The following RPL7A variants were observed in gnomAD, a reference collection of about 807,000 sequenced individuals.
RPL7A encodes the protein large ribosomal subunit protein eL8.
For synonymous variants in RPL7A, 158 were observed against 128.2 expected (o/e 1.23, Z -1.57); for missense variants, 291 against 338.2 (o/e 0.86, Z 1.09).
intron 5 of RPL7A, 37 bp from the exon 6 acceptor site, chr9:133,350,560 G>A (rs2129994647): frequency 1.2e-6 from 2 of 1,613,966 alleles, no homozygotes; most frequent in Admixed American, 1.7e-5. Context: ...TGCTGCTTTT[G>A]GTCAAAATAC....
rs2129978933 is a variant in RPL7A at position 133,348,501 on chromosome 9, C to T, written c.3+255C>T. 1,577 of 611,202 alleles carry T rather than the reference C, an allele frequency of 2.6e-3. 22 individuals carry two copies. The African/African-American group carries it at 0.026, about 10-fold the overall frequency. 37.9% of individuals were successfully genotyped at this position (611,202 alleles called of 1,614,324 possible). On this transcript the variant is annotated intron_variant, in intron 1 of 7. Coordinates refer to ENST00000323345, the MANE Select transcript of RPL7A (RefSeq NM_000972.3). ...GTGTCGCAGGGCTGGGTGTCGCAGG[C>T]CTGGAGCACCGCAGTGCGGGGCTCG...
In RPL7A at chr9:133,350,995, C is replaced by A. The variant is rs2129997569; in HGVS notation, c.627-7C>A. ...AACCCACTTTTGTTTCCCCTCCTGC[C>A]TTTTAGGGAAGACAAAGGCGCTTTG... On this transcript the variant is annotated splice_polypyrimidine_tract_variant and splice_region_variant and intron_variant, in intron 6 of 7. Coordinates refer to ENST00000323345, the MANE Select transcript of RPL7A (RefSeq NM_000972.3). 1.2e-6 allele frequency: 2 copies of A among 1,613,884 alleles called. No individual in the cohort carries two copies. The highest frequency in any genetic ancestry group is 1.7e-5 in the Admixed American group (1 of 59,976).
chr9:133,348,636 G>T, intron 1 of RPL7A: 1 of 652,974 alleles, frequency 1.5e-6, no homozygotes, highest in South Asian at 1.6e-5. Context: ...GCGACTCAGA[G>T]GAGTCATGAG....
chr9:133,348,618 GT>G (rs1356438201), intron 1 of RPL7A: 1 of 626,498 alleles, frequency 1.6e-6, no homozygotes, highest in Non-Finnish European at 2.9e-6. Context: ...TCTAGAGCCT[GT>G]GGGGCCGCGA....
rs2129980695 is a variant in RPL7A at position 133,348,766 on chromosome 9, T to C, written c.4-156T>C. On this transcript the variant is annotated intron_variant, in intron 1 of 7. Coordinates refer to ENST00000323345, the MANE Select transcript of RPL7A (RefSeq NM_000972.3). ...TGCGGCTGAATGTGAGATGCTCCTGTCGAGGGGTGGTGCTGGGGGGTTGCA... is the reference window on the plus strand; with the variant it reads ...TGCGGCTGAATGTGAGATGCTCCTGCCGAGGGGTGGTGCTGGGGGGTTGCA... 1.3e-4 allele frequency: 147 copies of C among 1,105,344 alleles called. 2 individuals carry two copies. In the South Asian group the frequency reaches 1.6e-3, roughly 12 times the overall value. 68.5% of individuals were successfully genotyped at this position (1,105,344 alleles called of 1,614,324 possible).
intron 6 of RPL7A, 56 bp downstream of exon 6, chr9:133,350,783 C>T: frequency 1.2e-6 from 2 of 1,605,316 alleles, no homozygotes; most frequent in South Asian, 1.1e-5. Flanking sequence ...CCATGCCTCA[C>T]AGTTGTTTCC....
rs1256760824 is a variant in RPL7A at position 133,350,249 on chromosome 9, C to A, written c.425C>A (p.Thr142Asn). The A allele has an allele frequency of 1.9e-6, 3 of 1,613,730 alleles. No individual in the cohort carries two copies. In the African/African-American group the frequency reaches 4.0e-5, roughly 22 times the overall value. ...TGGTTGTGTGTTCTAGGAGTTAACA[C>A]CGTCACCACCTTGGTGGAGAACAAG... Reference protein sequence around the residue: ...RPPVLRAGVNTVTTLVENKKA... With the variant: ...RPPVLRAGVNNVTTLVENKKA... Residue 142 changes from threonine to asparagine, a missense_variant, in exon 5 of 8, where the codon ACC (threonine) becomes AAC (asparagine). Physicochemically the swap from Thr to Asn is moderately conservative, Grantham distance 65 (BLOSUM62 0). Coordinates refer to ENST00000323345, the MANE Select transcript of RPL7A (RefSeq NM_000972.3).
Position 133,349,893 on chromosome 9 carries a change from C to T in RPL7A, c.275-19C>T, listed in dbSNP as rs2129989425. ...TTAGAACCTTGACTCCAAGCCTAAA[C>T]TGAAGAGTGTTTTTCCAGCTACTCA... On this transcript the variant is annotated intron_variant, in intron 3 of 7. Transcript: ENST00000323345. The T allele has an allele frequency of 2.5e-6, 4 of 1,610,600 alleles. No individual in the cohort carries two copies. In the South Asian group the frequency reaches 4.4e-5, roughly 18 times the overall value.
chr9:133,348,874 C>A (rs2129981740), intron 1 of RPL7A, 48 bp from the exon 2 acceptor site: 2 of 1,612,764 alleles, frequency 1.2e-6, no homozygotes, highest in Non-Finnish European at 1.7e-6. Flanking sequence ...CTACCCCCGA[C>A]GAAGCGAGTG....
rs2129983898 is a variant in RPL7A, at chr9:133,349,169, T to C, written c.124+127T>C. On this transcript the variant is annotated intron_variant, in intron 2 of 7. Transcript: ENST00000323345. ...GTCGCAGTCCTTAATTTGTGTCTCT[T>C]AGAGACGGGGGCAATGATACATGCT... 10 of 1,130,752 alleles carry C rather than the reference T, an allele frequency of 8.8e-6. No individual in the cohort carries two copies. The East Asian group carries it at 1.7e-4, about 19-fold the overall frequency. The allele number at this position is 1,130,752 out of a possible 1,614,324, so 70.0% of individuals were successfully genotyped here. A position where few individuals can be genotyped will look rare whatever the true frequency, so the allele number is the denominator to read the frequency against.
At chr9:133,348,777 T>C in intron 1 of RPL7A, 145 bp from the exon 2 acceptor site, 3 of 1,211,664 alleles carry the variant, frequency 2.5e-6, no homozygotes, top group Non-Finnish European at 3.6e-6. Flanking sequence ...CGAGGGGTGG[T>C]GCTGGGGGGT....
Position 133,349,045 on chromosome 9 carries a change from A to G in RPL7A, c.124+3A>G, listed in dbSNP as rs2129982874. On this transcript the variant is annotated splice_donor_region_variant and intron_variant, in intron 2 of 7. Transcript: ENST00000323345. ...AAGGCCTAAGAATTTTGGCATTGGT[A>G]AGTAACAAACGGCAGAATGAAAACG... is the stretch of plus-strand genomic sequence containing the variant. 1 of 1,613,666 alleles carries G rather than the reference A, an allele frequency of 6.2e-7. No homozygotes were observed. The highest frequency in any genetic ancestry group is 8.5e-7 in the Non-Finnish European group (1 of 1,179,826).
At chr9:133,350,121 T>A in intron 4 of RPL7A, 69 bp downstream of exon 4, 2 of 1,613,370 alleles carry the variant, frequency 1.2e-6, no homozygotes, top group Non-Finnish European at 1.7e-6. Flanking sequence ...TTTCTTGGCC[T>A]GAAATTACTG....
intron 1 of RPL7A, chr9:133,348,473 CCGGTGTCGCAGGGCT>C: frequency 1.6e-6 from 1 of 634,998 alleles, no homozygotes; most frequent in Non-Finnish European, 2.7e-6. Context: ...TGCGTTGTTC[CCGGTGTCGCAGGGCT>C]GGGTGTCGCA....
intron 4 of RPL7A, 33 bp downstream of exon 4, chr9:133,350,085 G>A: frequency 6.2e-7 from 1 of 1,613,898 alleles, no homozygotes; most frequent in Non-Finnish European, 8.5e-7. Flanking sequence ...TGAACACTGG[G>A]GGCGGGCTGT....
chr9:133,349,299 C>A, intron 2 of RPL7A: 4 of 773,822 alleles, frequency 5.2e-6, no homozygotes, highest in South Asian at 2.8e-5. Context: ...AGTGTCGCAG[C>A]GAGGTACTAG....
At chr9:133,349,270 T>C in intron 2 of RPL7A, 11 of 740,254 alleles carry the variant, frequency 1.5e-5, no homozygotes, top group Non-Finnish European at 2.4e-5. Flanking sequence ...CTTAGCCATC[T>C]GGAAACAAGT....
At chr9:133,348,498 A>G (rs2129978904) in intron 1 of RPL7A, 15 of 613,574 alleles carry the variant, frequency 2.4e-5, no homozygotes, top group African/African-American at 2.4e-4. Flanking sequence ...TGGGTGTCGC[A>G]GGCCTGGAGC....
At chr9:133,349,113 G>T (rs946696403) in intron 2 of RPL7A, 71 bp downstream of exon 2, 1 of 1,577,236 alleles carries the variant, frequency 6.3e-7, no homozygotes, top group African/African-American at 1.4e-5. Context: ...GGGTTGTGTT[G>T]TATCTTGTAG....
Sources: allele counts gnomAD v4.1 joint callset, GRCh38; gene constraint gnomAD v4.1.1; transcripts MANE v1.5; gene names NCBI Gene and HGNC (gene_info 2026-07-23, HGNC 2026-07-21).